CELSR2: variants seen among roughly 807,000 people sequenced by gnomAD.
The protein encoded by CELSR2 is cadherin EGF LAG seven-pass G-type receptor 2, also known as EGF-like protein 2.
A neutral mutation model predicts 251.6 loss-of-function variants in CELSR2; 81 were observed. The ratio of observed to expected loss-of-function variants is 0.32; its 90% confidence interval spans 0.27 to 0.39. The LOEUF is 0.39. CELSR2 is among the 10% of genes least tolerant of loss of function. The probability of loss-of-function intolerance (pLI) is 1.00; values close to 1 mark genes in which losing one functional copy is unlikely to be tolerated. For synonymous variants in CELSR2, 1,721 were observed against 1,670.5 expected, an observed-to-expected ratio of 1.03 and a Z score of -0.74; for missense variants, 3,365 against 3,947.7, an observed-to-expected ratio of 0.85 and a Z score of 3.96.
chr1:109,255,323 C>G (rs1326623585), intron 1 of CELSR2, among the ~76,000 whole-genome samples: 1 of 152,178 alleles, frequency 6.6e-6, no homozygotes, highest in Non-Finnish European at 1.5e-5. Flanking sequence ...CCTGCTCCTG[C>G]GGCTCTCCGG....
chr1:109,274,149 G>T lies in CELSR2; in HGVS notation c.*100G>T, dbSNP rs1049673849. ...GCTTTATCCTGCCCCGCTCCCCATC[G>T]CCTGCCCGCAGCAGCGACGAAACGT... is the stretch of plus-strand genomic sequence containing the variant. On this transcript the variant is annotated 3_prime_UTR_variant, in exon 34 of 34. Transcript: ENST00000271332. 27 of 1,603,590 alleles carry T rather than the reference G, an allele frequency of 1.7e-5. No homozygotes were observed. Among genetic ancestry groups the T allele is most frequent in the Non-Finnish European group, 2.0e-5 (24 of 1,176,168 alleles).
Position 109,271,039 on chromosome 1 carries a change from G to A in CELSR2, c.7596G>A (p.Ser2532=), listed in dbSNP as rs1281620217. Residue 2532 remains serine, a splice_region_variant and synonymous_variant, in exon 25 of 34, where the codon TCG becomes TCA. Coordinates refer to ENST00000271332, the MANE Select transcript of CELSR2 (RefSeq NM_001408.3). Reference sequence around the variant, plus strand: ...CTGGCCCGGTGGCCTTTGCCGTCTCGGTGAGTGCTAGCAGGTGGGTTGGGT... The same window carrying A: ...CTGGCCCGGTGGCCTTTGCCGTCTCAGTGAGTGCTAGCAGGTGGGTTGGGT... ...SFAGPVAFAV[S]MSVFLYILAA... is the part of the protein sequence containing the mutation. The A allele has an allele frequency of 6.2e-7, 1 of 1,611,866 alleles. No individual in the cohort carries two copies. Among genetic ancestry groups the A allele is most frequent in the Non-Finnish European group, 8.5e-7 (1 of 1,178,628 alleles).
intron 8 of CELSR2, 76 bp downstream of exon 8, chr1:109,263,343 A>C: frequency 6.6e-7 from 1 of 1,518,336 alleles, no homozygotes; most frequent in Non-Finnish European, 8.9e-7. Flanking sequence ...TGGGGCAGGC[A>C]CTGGGCAGGG....
At position 109,263,723 on chromosome 1, in the gene CELSR2, C is replaced by T. The variant is rs536711592; in HGVS notation, c.4947C>T (p.Ala1649=). ...GCCTCATGTTCCGCACGCGCCAGGC[C>T]GACGGTGTCCTGCTGCAGGCCATCA... The part of the protein sequence containing the change: ...YLSLMFRTRQ[A]DGVLLQAITR... The change falls in exon 9 of 34, where the codon GCC becomes GCT. Residue 1649 remains alanine (A), a synonymous_variant. Coordinates refer to ENST00000271332, the MANE Select transcript of CELSR2 (RefSeq NM_001408.3). 5.9e-5 allele frequency: 96 copies of T among 1,613,878 alleles called. No homozygotes were observed. In the East Asian group the frequency reaches 1.1e-3, roughly 19 times the overall value.
intron 29 of CELSR2, 72 bp from the exon 30 acceptor site, chr1:109,272,568 A>C (rs1656401858): frequency 3.3e-6 from 5 of 1,514,296 alleles, no homozygotes; most frequent in Non-Finnish European, 4.5e-6. Context: ...CCAGGATCCC[A>C]GGGGAGAGGA....
chr1:109,268,871 C>G lies in CELSR2; in HGVS notation c.6503-9C>G. ...CACAGGTCCGATCTGTGACCATCCC[C>G]TTCCTTAGTCATCTCCGTAGTGCGC... On this transcript the variant is annotated splice_polypyrimidine_tract_variant and intron_variant, in intron 18 of 33. Transcript: ENST00000271332. 6.3e-7 allele frequency: 1 copy of G among 1,599,050 alleles called. No individual in the cohort carries two copies. The highest frequency in any genetic ancestry group is 8.6e-7 in the Non-Finnish European group (1 of 1,168,296).
In CELSR2 at chr1:109,261,233, C is replaced by T. The variant is rs1286591349; in HGVS notation, c.4150C>T (p.Arg1384Cys). 5.0e-6 allele frequency: 8 copies of T among 1,613,740 alleles called. No individual in the cohort carries two copies. The highest frequency in any genetic ancestry group is 2.2e-5 in the East Asian group (1 of 44,884). Residue 1384 changes from arginine (R) to cysteine (C), a missense_variant, in exon 3 of 34, where the codon CGC (arginine) becomes TGC (cysteine). Arg to Cys is a radical substitution (Grantham distance 180). This residue lies in a region of CELSR2 where 2,093 missense variants were observed against 2,382.8 expected (regional missense o/e 0.88). Coordinates refer to ENST00000271332, the MANE Select transcript of CELSR2 (RefSeq NM_001408.3). The surrounding 1 kb of genome is among the most constrained non-coding windows in gnomAD (Gnocchi z 4.8). The part of the protein sequence containing the change: ...AHSFITFRGL[R>C]QRFHFTLALS... ...CTCCTTCATCACCTTTCGCGGCCTGCGCCAGCGTTTCCACTTCACCCTGGC... is the reference window on the plus strand; with the variant it reads ...CTCCTTCATCACCTTTCGCGGCCTGTGCCAGCGTTTCCACTTCACCCTGGC...
chr1:109,273,809 C>A, intron 33 of CELSR2, 139 bp downstream of exon 33: 1 of 971,268 alleles, frequency 1.0e-6, no homozygotes, highest in South Asian at 1.6e-5. Context: ...AGCTCCCTTA[C>A]TATGCCGTGC....
Position 109,250,158 on chromosome 1 carries a change from C to T in CELSR2, c.79C>T (p.Pro27Ser), listed in dbSNP as rs145688131. The T allele has an allele frequency of 8.8e-5, 140 of 1,599,324 alleles. No individual in the cohort carries two copies. In the East Asian group the frequency reaches 2.3e-3, roughly 26 times the overall value. Residue 27 changes from proline to serine, a missense_variant, in exon 1 of 34, where the codon CCG becomes TCG. Transcript: ENST00000271332. The surrounding 1 kb of genome is among the most constrained non-coding windows in gnomAD (Gnocchi z 4.4). ...GCTGCTGTTGCTGCTGCTGCTGCCG[C>T]CGCCACTATTGGGAGACCAAGTGGG... is the stretch of plus-strand genomic sequence containing the variant. ...LLLLLLLLLP[P>S]PLLGDQVGPC...
In CELSR2 at chr1:109,267,840, G is replaced by A. The variant is rs368466885; in HGVS notation, c.6109-11G>A. ...GCCCTCACTCCTGCTCCTCCGCTCC[G>A]TCCTGTCTAGGCTGAGCGGCTACAG... On this transcript the variant is annotated splice_polypyrimidine_tract_variant and intron_variant, in intron 16 of 33. Coordinates refer to ENST00000271332, the MANE Select transcript of CELSR2 (RefSeq NM_001408.3). 54 of 1,596,186 alleles carry A rather than the reference G, an allele frequency of 3.4e-5. No individual in the cohort carries two copies. The highest frequency in any genetic ancestry group is 4.1e-5 in the Non-Finnish European group (48 of 1,171,140).
chr1:109,258,576 C>T lies in CELSR2; in HGVS notation c.3455C>T (p.Ala1152Val), dbSNP rs1655926928. 3.7e-6 allele frequency: 6 copies of T among 1,600,880 alleles called. No individual in the cohort carries two copies. The highest frequency in any genetic ancestry group is 5.1e-6 in the Non-Finnish European group (6 of 1,174,370). Residue 1152 changes from alanine (A) to valine (V), a missense_variant, in exon 2 of 34, where the codon GCG becomes GTG. Coordinates refer to ENST00000271332, the MANE Select transcript of CELSR2 (RefSeq NM_001408.3). The part of the protein sequence containing the change: ...LSPLLGLFIQ[A>V]VAATLATPPD... ...CCACTGCTAGGCCTCTTCATCCAGG[C>T]GGTGGCCGCCACGCTGGCCACGCCA...
chr1:109,253,369 T>G lies in CELSR2; in HGVS notation c.3290T>G (p.Ile1097Ser), dbSNP rs1421450892. The G allele has an allele frequency of 6.2e-7, 1 of 1,612,762 alleles. No individual in the cohort carries two copies. The highest frequency in any genetic ancestry group is 8.5e-7 in the Non-Finnish European group (1 of 1,179,902). The stretch of plus-strand genomic sequence containing the variant: ...GACAACAACCGGCCTCTGGAGGCCA[T>G]CATGAGCGTGCTGGTGTCAGGTAAG... ...ALDNNRPLEA[I>S]MSVLVSDGVH... Residue 1097 changes from isoleucine to serine, a missense_variant, in exon 1 of 34, where the codon ATC becomes AGC. Transcript: ENST00000271332.
chr1:109,272,822 T>C lies in CELSR2; in HGVS notation c.8144-11T>C, dbSNP rs774605225. 1 of 1,613,106 alleles carries C rather than the reference T, an allele frequency of 6.2e-7. No individual in the cohort carries two copies. Among genetic ancestry groups the C allele is most frequent in the African/African-American group, 1.3e-5 (1 of 74,890 alleles). On this transcript the variant is annotated splice_polypyrimidine_tract_variant and intron_variant, in intron 30 of 33. Transcript: ENST00000271332. ...GGCTGGGCTGGCTGTGATCTCTCCC[T>C]GGCCTCCTAGATCCTGACACGGACT...
Position 109,272,915 on chromosome 1 carries a change from TGAGGAGGAAGAA to T in CELSR2, c.8235_8246del (p.Glu2749_Glu2752del), listed in dbSNP as rs773722162. 6.2e-7 allele frequency: 1 copy of T among 1,613,124 alleles called. No individual in the cohort carries two copies. Among genetic ancestry groups the T allele is most frequent in the Non-Finnish European group, 8.5e-7 (1 of 1,179,776 alleles). ...ATGCCTCTACCCACTCATCAGACAG[TGAGGAGGAAGAA>T]GAGGAGGAGGAAGAGGAGGCCGCCT... On this transcript the variant is annotated inframe_deletion, in exon 31 of 34. Transcript: ENST00000271332.
At position 109,266,186 on chromosome 1, in the gene CELSR2, C is replaced by T. The variant is rs373889823; in HGVS notation, c.5993C>T (p.Pro1998Leu). Residue 1998 changes from proline (P) to leucine (L), a missense_variant, in exon 15 of 34, where the codon CCC becomes CTC. By Grantham distance (98) the Pro-to-Leu change is moderately conservative. Around this residue, in one of 5 missense-constraint regions of CELSR2, gnomAD observed 2,093 missense variants for 2,382.8 expected, o/e 0.88. Transcript: ENST00000271332. ...RTRFGLPAAA[P>L]CPKGSFGTAV... ...CGCTTCGGGCTGCCTGCTGCTGCTC[C>T]CTGTCCCAAAGGCTCCTTTGGTAGG... The T allele has an allele frequency of 1.2e-6, 2 of 1,614,092 alleles. No individual in the cohort carries two copies. Among genetic ancestry groups the T allele is most frequent in the South Asian group, 1.1e-5 (1 of 91,090 alleles).
rs368574149 is a variant in CELSR2 at position 109,273,493 on chromosome 1, T to A, written c.8567T>A (p.Leu2856His). 220 of 1,611,310 alleles carry A rather than the reference T, an allele frequency of 1.4e-4. No individual in the cohort carries two copies. Among genetic ancestry groups the A allele is most frequent in the Middle Eastern group, 3.3e-4 (2 of 6,078 alleles). ...TISEKSSLLRLPLEQCTGSSR... is the reference protein window; with the variant it reads ...TISEKSSLLRHPLEQCTGSSR... ...AGCGAGAAGAGCAGCCTCCTGCGGC[T>A]CCCCCTGGAGCAATGCACAGGGTCT... The change falls in exon 33 of 34, where the codon CTC becomes CAC. Residue 2856 changes from leucine to histidine, a missense_variant. Coordinates refer to ENST00000271332, the MANE Select transcript of CELSR2 (RefSeq NM_001408.3).
chr1:109,258,257 A>G (rs773526807), intron 1 of CELSR2, among the ~76,000 whole-genome samples, 175 bp from the exon 2 acceptor site: 19 of 152,132 alleles, frequency 1.2e-4, no homozygotes, highest in Non-Finnish European at 2.4e-4. Context: ...GGATGCAAAG[A>G]GAACTGCAAA....
rs545769337 is a variant in CELSR2 at position 109,266,003 on chromosome 1, CAGGCCTGGGG to C, written c.5912-85_5912-76del. On this transcript the variant is annotated intron_variant, in intron 14 of 33. Coordinates refer to ENST00000271332, the MANE Select transcript of CELSR2 (RefSeq NM_001408.3). ...AGGAAAGCCAGGAAGGGGCTGGTTG[CAGGCCTGGGG>C]AGGCCTGGGGAGGCCTAGGGAGGGC... 1.5e-4 allele frequency: 234 copies of C among 1,581,764 alleles called. 1 individual carries two copies. The highest frequency in any genetic ancestry group is 1.1e-3 in the African/African-American group (80 of 74,602).
chr1:109,267,010 C>T (rs951771277), intron 15 of CELSR2, among the ~76,000 whole-genome samples: 42 of 152,144 alleles, frequency 2.8e-4, no homozygotes, highest in Non-Finnish European at 4.4e-4. Flanking sequence ...CGTGAGCCAC[C>T]GTGCCCAGCC....
Sources: allele counts gnomAD v4.1 joint callset (sites outside exome capture counted in the v4.1 genomes callset), GRCh38; gene constraint gnomAD v4.1.1; regional missense constraint gnomAD v4.1.1; non-coding constraint Gnocchi (gnomAD v3.1); transcripts MANE v1.5; gene names NCBI Gene and HGNC (gene_info 2026-07-23, HGNC 2026-07-21).